The following GPR158 variants were observed in gnomAD, a reference collection of about 807,000 sequenced individuals.
The protein encoded by GPR158 is G protein-coupled receptor 158.
In GPR158, 30 loss-of-function variants were observed where a neutral mutation model predicts 78.2. That is an observed-to-expected ratio of 0.38 (90% CI 0.29 to 0.52). GPR158 has a LOEUF of 0.52. GPR158 is among the 20% of genes least tolerant of loss of function. GPR158 has a pLI of 0.83. For synonymous variants in GPR158, 581 were observed against 591.1 expected (o/e 0.98, Z 0.25); for missense variants, 1,463 against 1,523.5 (o/e 0.96, Z 0.66).
intron 7 of GPR158, among the ~76,000 whole-genome samples, chr10:25,574,024 T>A (rs1837051754): frequency 6.6e-6 from 1 of 151,326 alleles, no homozygotes; most frequent in Non-Finnish European, 1.5e-5. Flanking sequence ...ATTGTATAGA[T>A]AAAAAATTTC....
chr10:25,506,531 AC>A (rs1408347318), intron 5 of GPR158, among the ~76,000 whole-genome samples: 1 of 152,252 alleles, frequency 6.6e-6, no homozygotes, highest in Non-Finnish European at 1.5e-5. Flanking sequence ...ACTGTTAACC[AC>A]AAACCCCTTT....
rs1554803583 is a variant in GPR158, at chr10:25,433,547, TTG to T, written c.1335+21097_1335+21098del. Among the ~76,000 whole-genome samples the T allele has an allele frequency of 6.2e-3, 601 of 96,412 alleles. 4 individuals are homozygous for T. Among genetic ancestry groups the T allele is most frequent in the East Asian group, 0.025 (118 of 4,638 alleles). 63.3% of individuals were successfully genotyped at this position (96,412 alleles called of 152,430 possible). A position where few individuals can be genotyped will look rare whatever the true frequency, so the allele number is the denominator to read the frequency against. On this transcript the variant is annotated intron_variant, in intron 4 of 10. Coordinates refer to ENST00000376351, the MANE Select transcript of GPR158 (RefSeq NM_020752.3). ...TTAGTTAGGGGTGTGTGTGTGTGTGTTGTGTGTGTGTGTGTGTGTGTGTGCGC... is the reference window on the plus strand; with the variant it reads ...TTAGTTAGGGGTGTGTGTGTGTGTGTTGTGTGTGTGTGTGTGTGTGTGCGC...
intron 2 of GPR158, among the ~76,000 whole-genome samples, chr10:25,388,736 G>T (rs1042231870): frequency 1.3e-5 from 2 of 152,226 alleles, no homozygotes; most frequent in East Asian, 3.9e-4. Flanking sequence ...TCCCATGTGT[G>T]GCTGCAGCTG....
Position 25,200,868 on chromosome 10 carries a change from GTTT to G in GPR158, c.903-20167_903-20165del, listed in dbSNP as rs56696555. 9.0e-4 allele frequency among the ~76,000 whole-genome samples: 102 copies of G among 113,340 alleles called. 1 individual carries two copies. Among genetic ancestry groups the G allele is most frequent in the South Asian group, 4.6e-3 (16 of 3,442 alleles). The allele number at this position is 113,340 out of a possible 152,430, so 74.4% of individuals were successfully genotyped here. On this transcript the variant is annotated intron_variant, in intron 1 of 10. Coordinates refer to ENST00000376351, the MANE Select transcript of GPR158 (RefSeq NM_020752.3). Reference sequence around the variant, plus strand: ...GATCTATGTATCTGTTTTTTGTTTTGTTTTTTTTTTTTTTTTTTTCAGTACCAT... The same window carrying G: ...GATCTATGTATCTGTTTTTTGTTTTGTTTTTTTTTTTTTTTTCAGTACCAT...
intron 1 of GPR158, among the ~76,000 whole-genome samples, chr10:25,218,982 G>A (rs375335314): frequency 6.6e-6 from 1 of 152,012 alleles, no homozygotes; most frequent in Non-Finnish European, 1.5e-5. Context: ...CAAAAACCAA[G>A]AACAATTCTG....
At chr10:25,294,642 C>A (rs1211229542) in intron 2 of GPR158, among the ~76,000 whole-genome samples, 1 of 152,110 alleles carries the variant, frequency 6.6e-6, no homozygotes, top group Admixed American at 6.5e-5. Flanking sequence ...AAATGGCAAC[C>A]TCTATGATTT....
At position 25,589,129 on chromosome 10, in the gene GPR158, A is replaced by G. The variant is rs571890987; in HGVS notation, c.1876A>G (p.Ile626Val). The part of the protein sequence containing the change: ...AVHNELIISA[I>V]FHTIRFVLAS... ...TCACAATGAGCTCATCATCTCTGCTATATTCCATACAATTAGGCAAGTGAT... is the reference window on the plus strand; with the variant it reads ...TCACAATGAGCTCATCATCTCTGCTGTATTCCATACAATTAGGCAAGTGAT... Residue 626 changes from isoleucine to valine, a missense_variant, in exon 8 of 11, where the codon ATA becomes GTA. Physicochemically the swap from Ile to Val is conservative, Grantham distance 29. Coordinates refer to ENST00000376351, the MANE Select transcript of GPR158 (RefSeq NM_020752.3). 2.0e-5 allele frequency: 32 copies of G among 1,608,982 alleles called. No homozygotes were observed. In the South Asian group the frequency reaches 3.0e-4, roughly 15 times the overall value.
At chr10:25,586,238 G>A (rs546395098) in intron 7 of GPR158, among the ~76,000 whole-genome samples, 3 of 152,068 alleles carry the variant, frequency 2.0e-5, no homozygotes, top group East Asian at 1.9e-4. Context: ...AGAAGTCAAG[G>A]TCTAGAAACC....
intron 5 of GPR158, among the ~76,000 whole-genome samples, chr10:25,524,602 G>T (rs1046671103): frequency 6.6e-6 from 1 of 152,132 alleles, no homozygotes; most frequent in Non-Finnish European, 1.5e-5. Context: ...TAATGAGTTG[G>T]ATCCCTAGTT....
intron 5 of GPR158, among the ~76,000 whole-genome samples, chr10:25,539,513 C>T (rs1836545257): frequency 7.2e-6 from 1 of 139,338 alleles, no homozygotes. Context: ...GACCTGTAAC[C>T]CCTTTTAATT....
intron 5 of GPR158, among the ~76,000 whole-genome samples, chr10:25,490,800 A>G (rs1455623212): frequency 6.6e-6 from 1 of 151,552 alleles, no homozygotes; most frequent in African/African-American, 2.4e-5. Flanking sequence ...TCCTTTGGGT[A>G]TATACCCAGT....
At chr10:25,545,325 A>T (rs1253250675) in intron 5 of GPR158, among the ~76,000 whole-genome samples, 2 of 152,210 alleles carry the variant, frequency 1.3e-5, no homozygotes, top group Non-Finnish European at 2.9e-5. Flanking sequence ...TCCAACCAAC[A>T]GTGTAAAAGC....
intron 2 of GPR158, among the ~76,000 whole-genome samples, chr10:25,248,838 C>A (rs1483449167): frequency 1.3e-5 from 2 of 151,434 alleles, no homozygotes; most frequent in African/African-American, 2.4e-5. Flanking sequence ...GTAGTTTTTT[C>A]CAATTCTGTG....
At chr10:25,203,722 T>C (rs879635030) in intron 1 of GPR158, among the ~76,000 whole-genome samples, 2 of 145,274 alleles carry the variant, frequency 1.4e-5, no homozygotes, top group Non-Finnish European at 3.0e-5. Context: ...GGCTTAGGAT[T>C]GTCTTGGTAA....
intron 1 of GPR158, among the ~76,000 whole-genome samples, chr10:25,215,339 A>G (rs1049734072): frequency 1.1e-4 from 16 of 152,106 alleles, no homozygotes; most frequent in African/African-American, 3.9e-4. Flanking sequence ...AGAAAGTAGA[A>G]AAGTAGTTCT....
intron 7 of GPR158, among the ~76,000 whole-genome samples, chr10:25,573,283 T>C (rs11815379): frequency 0.15 from 22,148 of 152,220 alleles, 2,950 homozygotes; most frequent in African/African-American, 0.35. Flanking sequence ...AAATAAAATG[T>C]TGGCCCTATA....
intron 1 of GPR158, among the ~76,000 whole-genome samples, chr10:25,211,784 G>A (rs1017360183): frequency 6.6e-6 from 1 of 152,142 alleles, no homozygotes; most frequent in African/African-American, 2.4e-5. Flanking sequence ...TGTGTACATG[G>A]TATTGGGTAG....
intron 2 of GPR158, among the ~76,000 whole-genome samples, chr10:25,273,400 CTTTTTT>C (rs36068886): frequency 3.3e-5 from 4 of 122,042 alleles, no homozygotes; most frequent in East Asian, 2.5e-4. Context: ...ACATTGGCAT[CTTTTTT>C]TTTTTTTTTT....
chr10:25,227,662 G>A (rs1853392789), intron 2 of GPR158, among the ~76,000 whole-genome samples: 1 of 151,990 alleles, frequency 6.6e-6, no homozygotes, highest in South Asian at 2.1e-4. Flanking sequence ...ATTATTTTAG[G>A]TCCTAGGGAT....
Sources: gnomAD v4.1 joint callset for allele counts (sites outside exome capture counted in the v4.1 genomes callset) on GRCh38, gnomAD v4.1.1 for gene constraint, MANE v1.5 for transcripts, NCBI Gene and HGNC (gene_info 2026-07-23, HGNC 2026-07-21) for gene names.